Variants in CC2D2A observed in about 807,000 individuals in gnomAD.
CC2D2A encodes the protein coiled-coil and C2 domain-containing protein 2A.
Under a neutral mutation model 212.9 loss-of-function variants are expected in CC2D2A, and 155 were observed. The ratio of observed to expected loss-of-function variants is 0.73; its 90% confidence interval spans 0.64 to 0.83. The LOEUF is 0.83. CC2D2A is among the 40% of genes least tolerant of loss of function. The pLI is 0.00. For missense variants in CC2D2A, 1,856 were observed against 1,956.2 expected, an observed-to-expected ratio of 0.95 and a Z score of 0.97; for synonymous variants, 667 against 686.5, an observed-to-expected ratio of 0.97 and a Z score of 0.44.
chr4:15,569,738 A>G (rs775008630), intron 27 of CC2D2A, among the ~76,000 whole-genome samples: 1 of 152,242 alleles, frequency 6.6e-6, no homozygotes, highest in African/African-American at 2.4e-5. Flanking sequence ...TTCGTTTTCT[A>G]AATTACTGTA....
In CC2D2A at chr4:15,533,371, C is replaced by T. The variant is rs745758423; in HGVS notation, c.1607+38C>T. 9.3e-6 allele frequency: 13 copies of T among 1,391,484 alleles called. No individual in the cohort carries two copies. The East Asian group carries it at 1.0e-4, about 11-fold the overall frequency. 86.2% of individuals were successfully genotyped at this position (1,391,484 alleles called of 1,614,324 possible). ...GAAAAATTATTTTATTGGGCTATAT[C>T]ATACATTAAGAAAAATGTATAAAAC... On this transcript the variant is annotated intron_variant, in intron 14 of 36. Transcript: ENST00000424120.
intron 26 of CC2D2A, 61 bp downstream of exon 26, chr4:15,567,847 G>T: frequency 8.1e-7 from 1 of 1,241,398 alleles, no homozygotes; most frequent in East Asian, 2.7e-5. Flanking sequence ...GAAGAAAGCA[G>T]GCTCATGAGA....
intron 11 of CC2D2A, among the ~76,000 whole-genome samples, chr4:15,517,238 C>T (rs192923306): frequency 2.8e-4 from 43 of 151,796 alleles, no homozygotes; most frequent in African/African-American, 8.2e-4. Context: ...TGAGCCACCG[C>T]GCCCAGCCCA....
chr4:15,503,363 C>T (rs1469808173), intron 6 of CC2D2A, among the ~76,000 whole-genome samples: 1 of 152,192 alleles, frequency 6.6e-6, no homozygotes, highest in East Asian at 1.9e-4. Flanking sequence ...AGGCATTTTA[C>T]CACCTTTGTC....
chr4:15,480,612 C>T lies in CC2D2A; in HGVS notation c.124-92C>T, dbSNP rs922590340. On this transcript the variant is annotated intron_variant, in intron 3 of 36. Coordinates refer to ENST00000424120, the MANE Select transcript of CC2D2A (RefSeq NM_001378615.1). Reference sequence around the variant, plus strand: ...ATCCAGATGTGAATAGTACTAAGGCCTGTCCCCTCACTGGTGACCCATCTT... The same window carrying T: ...ATCCAGATGTGAATAGTACTAAGGCTTGTCCCCTCACTGGTGACCCATCTT... 10 of 1,425,436 alleles carry T rather than the reference C, an allele frequency of 7.0e-6. No individual in the cohort carries two copies. The African/African-American group carries it at 1.3e-4, about 18-fold the overall frequency. 88.3% of individuals were successfully genotyped at this position (1,425,436 alleles called of 1,614,324 possible).
Position 15,500,100 on chromosome 4 carries a change from T to TATAC in CC2D2A, c.248-2329_248-2328insATAC, listed in dbSNP as rs1245112389. ...TTGTGTGTGTGTGTGTGTGTGTGTGTGTGTGTGTATATATATATATATATA... is the reference window on the plus strand; with the variant it reads ...TTGTGTGTGTGTGTGTGTGTGTGTGTATACGTGTGTGTATATATATATATATATA... On this transcript the variant is annotated intron_variant, in intron 4 of 36. Coordinates refer to ENST00000424120, the MANE Select transcript of CC2D2A (RefSeq NM_001378615.1). 2.2e-4 allele frequency among the ~76,000 whole-genome samples: 12 copies of TATAC among 54,020 alleles called. 1 individual carries two copies. Among genetic ancestry groups the TATAC allele is most frequent in the African/African-American group, 6.5e-4 (12 of 18,542 alleles). 35.4% of individuals were successfully genotyped at this position (54,020 alleles called of 152,430 possible).
At chr4:15,472,232 T>A (rs2108960754) in intron 1 of CC2D2A, among the ~76,000 whole-genome samples, 1 of 152,326 alleles carries the variant, frequency 6.6e-6, no homozygotes, top group Non-Finnish European at 1.5e-5. Flanking sequence ...TGTCAGAGCC[T>A]CAGTTTACTC....
chr4:15,544,163 C>T (rs1008471753), intron 17 of CC2D2A, among the ~76,000 whole-genome samples: 2 of 152,170 alleles, frequency 1.3e-5, no homozygotes, highest in African/African-American at 4.8e-5. Flanking sequence ...ACTTACTGCA[C>T]ACAAAACATT....
chr4:15,533,182 A>C lies in CC2D2A; in HGVS notation c.1467-11A>C. 2 of 1,576,214 alleles carry C rather than the reference A, an allele frequency of 1.3e-6. No individual in the cohort carries two copies. Among genetic ancestry groups the C allele is most frequent in the Non-Finnish European group, 1.7e-6 (2 of 1,169,150 alleles). On this transcript the variant is annotated splice_polypyrimidine_tract_variant and intron_variant, in intron 13 of 36. Transcript: ENST00000424120. ...TTTTAATATATACTCATGTGTTATTATATCTTGCAGACAAACAAGAAAATT... is the reference window on the plus strand; with the variant it reads ...TTTTAATATATACTCATGTGTTATTCTATCTTGCAGACAAACAAGAAAATT...
chr4:15,533,340 T>C lies in CC2D2A; in HGVS notation c.1607+7T>C, dbSNP rs2109029942. On this transcript the variant is annotated splice_region_variant and intron_variant, in intron 14 of 36. Transcript: ENST00000424120. ...TGAAACTTGTTTTGAGAAAGTAGGC[T>C]TTTTTGAAAAATTATTTTATTGGGC... 6.6e-7 allele frequency: 1 copy of C among 1,525,270 alleles called. No individual in the cohort carries two copies. The highest frequency in any genetic ancestry group is 1.4e-5 in the African/African-American group (1 of 71,434). The allele number at this position is 1,525,270 out of a possible 1,614,324, so 94.5% of individuals were successfully genotyped here.
chr4:15,557,555 G>T, intron 21 of CC2D2A, 48 bp downstream of exon 21: 1 of 1,274,692 alleles, frequency 7.8e-7, no homozygotes. Context: ...AGTACCTACT[G>T]TGCTGTTAGG....
chr4:15,584,767 C>T (rs1453704422), intron 30 of CC2D2A, among the ~76,000 whole-genome samples: 1 of 152,148 alleles, frequency 6.6e-6, no homozygotes, highest in Admixed American at 6.5e-5. Flanking sequence ...GGGTTAAAAT[C>T]TAGAATACGT....
chr4:15,550,992 TA>T lies in CC2D2A; in HGVS notation c.2338+14del, dbSNP rs1560178133. 3.3e-5 allele frequency: 52 copies of T among 1,565,838 alleles called. No individual in the cohort carries two copies. The East Asian group carries it at 1.2e-3, about 35-fold the overall frequency. On this transcript the variant is annotated intron_variant, in intron 18 of 36. Transcript: ENST00000424120. ...GGGAGTTGGAAGTGGTATGGAAAGC[TA>T]ATATCTTCAATGGTTCACTGTTTCA...
intron 22 of CC2D2A, 41 bp from the exon 23 acceptor site, chr4:15,560,490 T>G (rs1719525149): frequency 1.8e-6 from 2 of 1,083,978 alleles, no homozygotes; most frequent in East Asian, 2.5e-5. Flanking sequence ...ACTACGAAGT[T>G]TAAATAATAA....
chr4:15,488,064 C>T (rs1715103660), intron 4 of CC2D2A, among the ~76,000 whole-genome samples: 1 of 151,918 alleles, frequency 6.6e-6, no homozygotes, highest in Admixed American at 6.6e-5. Flanking sequence ...TTCTTTTAGT[C>T]TTCAGGGCTA....
In CC2D2A at chr4:15,595,660, G is replaced by A. The variant is rs184928646; in HGVS notation, c.4315-425G>A. Among the ~76,000 whole-genome samples, 202 of 152,314 alleles carry A rather than the reference G, an allele frequency of 1.3e-3. 2 individuals carry two copies. Among genetic ancestry groups the A allele is most frequent in the African/African-American group, 4.6e-3 (192 of 41,576 alleles). The stretch of plus-strand genomic sequence containing the variant: ...TCTGGTTCCAGAACCAACATGCTAC[G>A]CTGCCTCACCAACACAAGGGCTATC... On this transcript the variant is annotated intron_variant, in intron 33 of 36. Transcript: ENST00000424120.
rs149201367 is a variant in CC2D2A, at chr4:15,573,893, G to A, written c.3595-257G>A. Reference sequence around the variant, plus strand: ...AACCAAGTTTTGAACCCAAAACTGCGTTTAAACCAAGACTTGAACCTAAGC... The same window carrying A: ...AACCAAGTTTTGAACCCAAAACTGCATTTAAACCAAGACTTGAACCTAAGC... On this transcript the variant is annotated intron_variant, in intron 28 of 36. Coordinates refer to ENST00000424120, the MANE Select transcript of CC2D2A (RefSeq NM_001378615.1). Among the ~76,000 whole-genome samples the A allele has an allele frequency of 4.0e-3, 613 of 152,232 alleles. 16 individuals carry two copies. The highest frequency in any genetic ancestry group is 0.035 in the Admixed American group (534 of 15,274).
intron 13 of CC2D2A, among the ~76,000 whole-genome samples, chr4:15,532,295 G>T (rs950833899): frequency 1.3e-5 from 2 of 152,108 alleles, no homozygotes; most frequent in Non-Finnish European, 2.9e-5. Flanking sequence ...GCTACCAGTT[G>T]ATCTACTAGA....
At chr4:15,590,530 A>G (rs1000916878) in intron 33 of CC2D2A, among the ~76,000 whole-genome samples, 34 of 152,136 alleles carry the variant, frequency 2.2e-4, no homozygotes, top group African/African-American at 8.2e-4. Context: ...AAAATGAGTT[A>G]TGCGATCAGA....
Sources: gnomAD v4.1 joint callset for allele counts (sites outside exome capture counted in the v4.1 genomes callset) on GRCh38, gnomAD v4.1.1 for gene constraint, MANE v1.5 for transcripts, NCBI Gene and HGNC (gene_info 2026-07-23, HGNC 2026-07-21) for gene names.